NHSL1: variants seen among roughly 807,000 people sequenced by gnomAD.
NHSL1 encodes NHS-like protein 1.
NHSL1 carries 48 observed loss-of-function variants against 95.0 expected under a neutral mutation model. That is an observed-to-expected ratio of 0.51 (90% confidence interval 0.40 to 0.64). NHSL1 has a LOEUF of 0.64. Among genes scored for constraint, NHSL1 ranks in the 30% least tolerant of loss-of-function variants. The pLI is 0.00. For missense variants in NHSL1, 1,971 were observed against 2,077.7 expected, an observed-to-expected ratio of 0.95 and a Z score of 1.00; for synonymous variants, 783 against 833.9, an observed-to-expected ratio of 0.94 and a Z score of 1.05.
Position 138,437,443 on chromosome 6 carries a change from CACAAAAAA to C in NHSL1, c.665-3771_665-3764del, listed in dbSNP as rs1299523876. On this transcript the variant is annotated intron_variant, in intron 5 of 7. Transcript: ENST00000343505. ...ACACACACACACACACACACACACA[CACAAAAAA>C]AAAAAAAAAAAATACAATGCACCTA... Among the ~76,000 whole-genome samples the C allele has an allele frequency of 6.3e-3, 264 of 41,598 alleles. 6 individuals are homozygous for C. The highest frequency in any genetic ancestry group is 0.016 in the African/African-American group (179 of 11,386). The allele number at this position is 41,598 out of a possible 152,430, so 27.3% of individuals were successfully genotyped here.
At position 138,432,012 on chromosome 6, in the gene NHSL1, T is replaced by A. The variant is rs1172863807; in HGVS notation, c.2333A>T (p.Asp778Val). The stretch of plus-strand genomic sequence containing the variant: ...GTAGTCAATGTAATAACCCCAGGGG[T>A]CCGTGTACTCTGACTTGACGCTGCT... ...DTSSVKSEYT[D>V]PWGYYIDYTG... Residue 778 changes from aspartate to valine, a missense_variant, in exon 6 of 8, where the codon GAC (aspartate) becomes GTC (valine). Around this residue, in one of 3 missense-constraint regions of NHSL1, gnomAD observed 1,602 missense variants for 1,654.5 expected, o/e 0.97. Transcript: ENST00000343505. This position sits in a 1 kb window ranked among gnomAD's most constrained non-coding sequence, Gnocchi z 4.4. The A allele has an allele frequency of 6.4e-7, 1 of 1,551,634 alleles. No homozygotes were observed. Among genetic ancestry groups the A allele is most frequent in the Non-Finnish European group, 8.7e-7 (1 of 1,146,966 alleles).
intron 1 of NHSL1, among the ~76,000 whole-genome samples, chr6:138,661,193 T>C (rs1050155137): frequency 5.3e-5 from 8 of 152,206 alleles, no homozygotes; most frequent in Non-Finnish European, 1.0e-4. Context: ...TCATGTATAG[T>C]TACCAGGCTG....
chr6:138,456,856 AAG>A (rs1037855230), intron 3 of NHSL1, among the ~76,000 whole-genome samples: 1 of 152,076 alleles, frequency 6.6e-6, no homozygotes, highest in African/African-American at 2.4e-5. Context: ...GTTGAATGAA[AAG>A]GTATTTTCTG....
chr6:138,556,713 A>AT (rs1783206687), intron 1 of NHSL1, among the ~76,000 whole-genome samples: 1 of 152,032 alleles, frequency 6.6e-6, no homozygotes, highest in African/African-American at 2.4e-5. Context: ...GCCACATTTT[A>AT]TATCATTCCC....
chr6:138,542,735 A>G (rs1229839655), intron 1 of NHSL1, among the ~76,000 whole-genome samples: 4 of 152,194 alleles, frequency 2.6e-5, no homozygotes, highest in Non-Finnish European at 5.9e-5. Flanking sequence ...CTTTAGTAGT[A>G]AAAACATTTT....
At chr6:138,619,947 C>CAAA (rs11376703) in intron 1 of NHSL1, among the ~76,000 whole-genome samples, 6,174 of 101,166 alleles carry the variant, frequency 0.061, 284 homozygotes, top group African/African-American at 0.13. Context: ...AACTCTATCA[C>CAAA]AAAAAAAAAA....
At chr6:138,659,357 T>C (rs1485163556) in intron 1 of NHSL1, among the ~76,000 whole-genome samples, 1 of 152,168 alleles carries the variant, frequency 6.6e-6, no homozygotes, top group Non-Finnish European at 1.5e-5. Flanking sequence ...GCCTAGACTG[T>C]AATTCTTAAT....
At chr6:138,571,206 T>TG (rs1562377467) in intron 1 of NHSL1, among the ~76,000 whole-genome samples, 4 of 152,238 alleles carry the variant, frequency 2.6e-5, no homozygotes, top group Non-Finnish European at 4.4e-5. Flanking sequence ...TTAAGCCCCT[T>TG]GCGTGTTCAT....
Position 138,424,528 on chromosome 6 carries a change from T to C in NHSL1, c.4374A>G (p.Pro1458=), listed in dbSNP as rs1775128146. 2 of 1,551,482 alleles carry C rather than the reference T, an allele frequency of 1.3e-6. No homozygotes were observed. Among genetic ancestry groups the C allele is most frequent in the African/African-American group, 1.4e-5 (1 of 73,016 alleles). The change falls in exon 8 of 8, where the codon CCA becomes CCG. Residue 1458 remains proline (P), a synonymous_variant. Coordinates refer to ENST00000343505, the MANE Select transcript of NHSL1 (RefSeq NM_001144060.2). The surrounding 1 kb of genome is among the most constrained non-coding windows in gnomAD (Gnocchi z 5.9). ...AGCTTGACGGGCTCTCGGGGGCATC[T>C]GGGGAAGGCTCTGACCTCGACCTCT... ...RFQRSRSEPS[P]DAPESPSSCS... is the part of the protein sequence containing the mutation.
intron 4 of NHSL1, among the ~76,000 whole-genome samples, chr6:138,444,727 T>A (rs576203597): frequency 6.6e-6 from 1 of 152,222 alleles, no homozygotes; most frequent in East Asian, 1.9e-4. Flanking sequence ...AATACATAAT[T>A]TAAAGAGCAG....
chr6:138,434,217 C>T (rs1775915065), intron 5 of NHSL1, among the ~76,000 whole-genome samples: 1 of 152,170 alleles, frequency 6.6e-6, no homozygotes, highest in Non-Finnish European at 1.5e-5. Context: ...AATTGATTTA[C>T]AGGCCCATCT....
intron 1 of NHSL1, among the ~76,000 whole-genome samples, chr6:138,631,326 A>C (rs1316097150): frequency 1.3e-5 from 2 of 152,158 alleles, no homozygotes; most frequent in Non-Finnish European, 2.9e-5. Context: ...GTGCTGGACT[A>C]GGCCCAGAGC....
At chr6:138,478,647 T>G (rs1011790739) in intron 2 of NHSL1, among the ~76,000 whole-genome samples, 1 of 152,186 alleles carries the variant, frequency 6.6e-6, no homozygotes, top group African/African-American at 2.4e-5. Context: ...AGAGCATAAT[T>G]TAAAGCCAGG....
chr6:138,501,062 A>G (rs1022043609), upstream of NHSL1, among the ~76,000 whole-genome samples: 1 of 152,146 alleles, frequency 6.6e-6, no homozygotes, highest in Non-Finnish European at 1.5e-5. Flanking sequence ...ACACAAGGAG[A>G]GTTGTGGGCA....
intron 3 of NHSL1, among the ~76,000 whole-genome samples, chr6:138,469,889 C>T (rs1172083184): frequency 6.6e-6 from 1 of 152,036 alleles, no homozygotes; most frequent in Non-Finnish European, 1.5e-5. Flanking sequence ...TTTTTTGATG[C>T]TCCACAGAAT....
At chr6:138,670,621 C>G (rs1436488870) in intron 1 of NHSL1, among the ~76,000 whole-genome samples, 1 of 143,212 alleles carries the variant, frequency 7.0e-6, no homozygotes, top group Non-Finnish European at 1.5e-5. Flanking sequence ...AGCCGAGATC[C>G]CGCCACTGCA....
intron 1 of NHSL1, among the ~76,000 whole-genome samples, chr6:138,637,460 C>T (rs1376837852): frequency 1.3e-5 from 2 of 152,156 alleles, no homozygotes; most frequent in African/African-American, 2.4e-5. Context: ...GAAGTGACAA[C>T]CCACAGAATG....
chr6:138,471,274 G>A (rs1227917575), intron 3 of NHSL1, among the ~76,000 whole-genome samples: 4 of 152,022 alleles, frequency 2.6e-5, no homozygotes, highest in African/African-American at 9.7e-5. Flanking sequence ...TTTGCTAGTG[G>A]TCTCTACACA....
rs545343558 is a variant in NHSL1, at chr6:138,433,038, C to T, written c.1307G>A (p.Arg436Gln). 70 of 1,551,458 alleles carry T rather than the reference C, an allele frequency of 4.5e-5. No individual in the cohort carries two copies. The highest frequency in any genetic ancestry group is 5.9e-5 in the Non-Finnish European group (68 of 1,146,982). Residue 436 changes from arginine (R) to glutamine (Q), a missense_variant, in exon 6 of 8, where the codon CGG (arginine) becomes CAG (glutamine). Physicochemically the swap from Arg to Gln is conservative, Grantham distance 43. Around this residue, in one of 3 missense-constraint regions of NHSL1, gnomAD observed 1,602 missense variants for 1,654.5 expected, o/e 0.97. Transcript: ENST00000343505. The stretch of plus-strand genomic sequence containing the variant: ...TGATGAGCCAGAACTTTTACTTTCC[C>T]GCTGTCCCGCACTCTGAGCAGTGGG... ...AIPTAQSAGQ[R>Q]ESKSSGSSHA...
Sources: gnomAD v4.1 joint callset for allele counts (sites outside exome capture counted in the v4.1 genomes callset) on GRCh38, gnomAD v4.1.1 for gene constraint, gnomAD v4.1.1 regional missense constraint, Gnocchi (gnomAD v3.1) non-coding constraint, MANE v1.5 for transcripts, NCBI Gene and HGNC (gene_info 2026-07-23, HGNC 2026-07-21) for gene names.